The following WDR77 variants were observed in gnomAD, a reference collection of about 807,000 sequenced individuals.
The protein encoded by WDR77 is methylosome protein WDR77.
WDR77 carries 31 observed loss-of-function variants against 44.0 expected under a neutral mutation model. The ratio of observed to expected loss-of-function variants is 0.70; its 90% CI spans 0.53 to 0.95. The LOEUF is 0.95. Ranked by LOEUF, WDR77 falls within the 40% of genes least tolerant of loss-of-function variation. WDR77 has a pLI of 0.00. For missense variants in WDR77, 390 were observed against 423.9 expected, an observed-to-expected ratio of 0.92 and a Z score of 0.70; for synonymous variants, 186 against 165.7, an observed-to-expected ratio of 1.12 and a Z score of -0.94.
chr1:111,442,044 C>T lies in WDR77; in HGVS notation c.850G>A (p.Asp284Asn), dbSNP rs1461239367. 1 of 1,614,136 alleles carries T rather than the reference C, an allele frequency of 6.2e-7. No individual in the cohort carries two copies. Among genetic ancestry groups the T allele is most frequent in the Middle Eastern group, 1.6e-4 (1 of 6,062 alleles). ...ACTTACAACTCAGAAAGGCTTGAGT[C>T]CAGCACAGCAAGTGAGCAGTCTTCA... is the stretch of plus-strand genomic sequence containing the variant. ...LSEDCSLAVL[D>N]SSLSELFRSQ... Residue 284 changes from aspartate to asparagine, a missense_variant, in exon 9 of 10, where the codon GAC becomes AAC. Physicochemically the swap from Asp to Asn is conservative, Grantham distance 23. Transcript: ENST00000235090.
chr1:111,447,254 G>A, intron 3 of WDR77, 110 bp from the exon 4 acceptor site: 2 of 1,486,844 alleles, frequency 1.3e-6, no homozygotes, highest in South Asian at 2.3e-5. Flanking sequence ...TTTGCCTCTT[G>A]GACTGCTGCT....
chr1:111,443,912 T>C lies in WDR77; in HGVS notation c.574A>G (p.Ile192Val). The stretch of plus-strand genomic sequence containing the variant: ...GGACAGCGGGTATCCCAGAGTAAAA[T>C]TCTATTGTCCTAGAGGAAGGTGGAA... ...VFLSCSEDNR[I>V]LLWDTRCPKP... Residue 192 changes from isoleucine (I) to valine (V), a missense_variant, in exon 6 of 10, where the codon ATT becomes GTT. Physicochemically the swap from Ile to Val is conservative, Grantham distance 29. Coordinates refer to ENST00000235090, the MANE Select transcript of WDR77 (RefSeq NM_024102.4). 6.2e-7 allele frequency: 1 copy of C among 1,614,136 alleles called. No individual in the cohort carries two copies. Among genetic ancestry groups the C allele is most frequent in the Non-Finnish European group, 8.5e-7 (1 of 1,180,030 alleles).
In WDR77 at chr1:111,447,469, CAG is replaced by C. The variant is rs1653091495; in HGVS notation, c.407_408del (p.Ser136TrpfsTer8). The C allele has an allele frequency of 1.2e-6, 2 of 1,614,022 alleles. No homozygotes were observed. Among genetic ancestry groups the C allele is most frequent in the Non-Finnish European group, 1.7e-6 (2 of 1,180,030 alleles). On this transcript the variant is annotated frameshift_variant, in exon 3 of 10. Coordinates refer to ENST00000235090, the MANE Select transcript of WDR77 (RefSeq NM_024102.4). LOFTEE classifies it high-confidence loss of function. ...DIVSTVSVLS[S>X]GTQAVSGSKD... ...TTGCTACCACTGACAGCTTGTGTGC[CAG>C]AGCTCAAGACACTGACTGTAGACAC...
intron 2 of WDR77, 92 bp downstream of exon 2, chr1:111,448,527 C>T (rs1044647040): frequency 6.7e-7 from 1 of 1,483,492 alleles, no homozygotes; most frequent in Non-Finnish European, 9.4e-7. Context: ...GAGTATAGGA[C>T]GTTAGATATT....
In WDR77 at chr1:111,441,130, C is replaced by T. The variant is rs939013568; in HGVS notation, c.*100G>A. The T allele has an allele frequency of 4.0e-6, 5 of 1,254,600 alleles. No individual in the cohort carries two copies. In the African/African-American group the frequency reaches 7.7e-5, roughly 19 times the overall value. 77.7% of individuals were successfully genotyped at this position (1,254,600 alleles called of 1,614,324 possible). On this transcript the variant is annotated 3_prime_UTR_variant, in exon 10 of 10. Coordinates refer to ENST00000235090, the MANE Select transcript of WDR77 (RefSeq NM_024102.4). ...TATTAACGGCACAGATCTAGCATAT[C>T]AACATACTATAGAAGGCTCCTGTGT...
intron 6 of WDR77, 180 bp from the exon 7 acceptor site, chr1:111,443,574 T>A: frequency 1.1e-6 from 1 of 897,674 alleles, no homozygotes; most frequent in Middle Eastern, 5.8e-4. Context: ...CTGCCCTTTC[T>A]GGACACGAGT....
chr1:111,443,035 T>C (rs143404697), intron 7 of WDR77, among the ~76,000 whole-genome samples: 25 of 152,350 alleles, frequency 1.6e-4, no homozygotes, highest in African/African-American at 2.6e-4. Flanking sequence ...ATTCGCTATA[T>C]AGCAATCCAC....
At chr1:111,443,998 G>A in intron 5 of WDR77, 56 bp downstream of exon 5, 4 of 1,613,080 alleles carry the variant, frequency 2.5e-6, no homozygotes, top group Non-Finnish European at 3.4e-6. Flanking sequence ...CCCCACTAGA[G>A]ACTTTGGCCT....
At chr1:111,443,994 T>G (rs1652918908) in intron 5 of WDR77, 60 bp downstream of exon 5, 2 of 1,609,772 alleles carry the variant, frequency 1.2e-6, no homozygotes, top group Non-Finnish European at 1.7e-6. Flanking sequence ...GTCTCCCCAC[T>G]AGAGACTTTG....
intron 6 of WDR77, 135 bp downstream of exon 6, chr1:111,443,732 A>G: frequency 6.7e-7 from 1 of 1,501,974 alleles, no homozygotes; most frequent in African/African-American, 1.4e-5. Flanking sequence ...CTCACTGGAA[A>G]AGAAGGAGAT....
intron 3 of WDR77, 145 bp downstream of exon 3, chr1:111,447,290 A>C (rs960309696): frequency 6.8e-7 from 1 of 1,477,812 alleles, no homozygotes; most frequent in African/African-American, 1.4e-5. Context: ...TGGACTGCAA[A>C]ATCCCTAAGG....
Position 111,449,244 on chromosome 1 carries a change from G to T in WDR77, c.-75C>A. The stretch of plus-strand genomic sequence containing the variant: ...ACTCCGCTCCGGCAGCAAACCCCAC[G>T]TGGTGCACCTCTGAGCCTCCGCCCC... On this transcript the variant is annotated 5_prime_UTR_variant, in exon 1 of 10. Coordinates refer to ENST00000235090, the MANE Select transcript of WDR77 (RefSeq NM_024102.4). 2 of 1,536,190 alleles carry T rather than the reference G, an allele frequency of 1.3e-6. No individual in the cohort carries two copies. Among genetic ancestry groups the T allele is most frequent in the Non-Finnish European group, 8.7e-7 (1 of 1,146,900 alleles).
intron 4 of WDR77, among the ~76,000 whole-genome samples, chr1:111,444,833 T>A (rs1425641834): frequency 6.6e-6 from 1 of 152,194 alleles, no homozygotes; most frequent in Non-Finnish European, 1.5e-5. Context: ...TAATGAGAAC[T>A]AAAAAATATG....
chr1:111,445,450 A>G (rs1652985883), intron 4 of WDR77, among the ~76,000 whole-genome samples: 1 of 152,216 alleles, frequency 6.6e-6, no homozygotes, highest in Non-Finnish European at 1.5e-5. Flanking sequence ...AGATGAATAC[A>G]TGGTTCCTCT....
chr1:111,447,662 T>C, intron 2 of WDR77, 86 bp from the exon 3 acceptor site: 1 of 1,494,382 alleles, frequency 6.7e-7, no homozygotes, highest in Non-Finnish European at 9.3e-7. Context: ...CCATTGTCAC[T>C]AAATTAACAA....
At chr1:111,441,438 A>C in intron 9 of WDR77, 49 bp from the exon 10 acceptor site, 2 of 1,429,882 alleles carry the variant, frequency 1.4e-6, no homozygotes, top group Non-Finnish European at 1.8e-6. Flanking sequence ...AGAAAAGCAG[A>C]CCTGGAGAAA....
rs1436516575 is a variant in WDR77 at position 111,448,882 on chromosome 1, G to T, written c.116-78C>A. 8 of 1,546,070 alleles carry T rather than the reference G, an allele frequency of 5.2e-6. No homozygotes were observed. In the African/African-American group the frequency reaches 6.8e-5, roughly 13 times the overall value. On this transcript the variant is annotated intron_variant, in intron 1 of 9. Coordinates refer to ENST00000235090, the MANE Select transcript of WDR77 (RefSeq NM_024102.4). ...TGGAGACCGCACAGAACAGCGTTCCGGCCGGGTCTGGATCTGAGCTCAGGA... is the reference window on the plus strand; with the variant it reads ...TGGAGACCGCACAGAACAGCGTTCCTGCCGGGTCTGGATCTGAGCTCAGGA...
At chr1:111,447,178 G>A in intron 3 of WDR77, 34 bp from the exon 4 acceptor site, 1 of 1,611,506 alleles carries the variant, frequency 6.2e-7, no homozygotes, top group South Asian at 1.1e-5. Context: ...ATTTAATCTT[G>A]ACCTACACTA....
chr1:111,447,287 C>T, intron 3 of WDR77, 143 bp from the exon 4 acceptor site: 2 of 1,475,036 alleles, frequency 1.4e-6, no homozygotes, highest in Non-Finnish European at 9.3e-7. Context: ...CGATGGACTG[C>T]AAAATCCCTA....
Sources: gnomAD v4.1 joint callset for allele counts (sites outside exome capture counted in the v4.1 genomes callset) on GRCh38, gnomAD v4.1.1 for gene constraint, MANE v1.5 for transcripts, NCBI Gene and HGNC (gene_info 2026-07-23, HGNC 2026-07-21) for gene names.